The following ESRRG variants were observed in gnomAD, a reference collection of about 807,000 sequenced individuals.
ESRRG encodes the protein estrogen-related receptor gamma.
Under a neutral mutation model 44.0 loss-of-function variants are expected in ESRRG, and 13 were observed. That is an observed-to-expected ratio of 0.30 (90% CI 0.19 to 0.47). ESRRG has a LOEUF of 0.47. Ranked by LOEUF, ESRRG falls within the 20% of genes least tolerant of loss-of-function variation. The pLI is 1.00. For synonymous variants in ESRRG, 215 were observed against 214.6 expected (o/e 1.00, Z -0.02); for missense variants, 395 against 580.6 (o/e 0.68, Z 3.29).
At chr1:216,569,721 A>G (rs2060437133) in intron 3 of ESRRG, among the ~76,000 whole-genome samples, 1 of 152,244 alleles carries the variant, frequency 6.6e-6, no homozygotes, top group African/African-American at 2.4e-5. Flanking sequence ...AGTATTCATT[A>G]AGAAGTTCAA....
At chr1:216,551,640 G>T (rs980058310) in intron 5 of ESRRG, among the ~76,000 whole-genome samples, 1 of 152,138 alleles carries the variant, frequency 6.6e-6, no homozygotes, top group Non-Finnish European at 1.5e-5. Flanking sequence ...ATTAAAACCC[G>T]TGGATTATTC....
At chr1:216,870,632 G>C (rs551041229) in intron 2 of ESRRG, among the ~76,000 whole-genome samples, 12 of 151,878 alleles carry the variant, frequency 7.9e-5, no homozygotes, top group African/African-American at 2.9e-4. Flanking sequence ...AACTACCTGG[G>C]CCTGGAGATT....
chr1:216,997,003 G>T (rs1361712609), intron 1 of ESRRG, among the ~76,000 whole-genome samples: 1 of 152,006 alleles, frequency 6.6e-6, no homozygotes, highest in Non-Finnish European at 1.5e-5. Flanking sequence ...CACAGGAAAC[G>T]GGCATTTTTC....
At chr1:216,663,259 G>A (rs946467) in intron 2 of ESRRG, among the ~76,000 whole-genome samples, 130,526 of 152,100 alleles carry the variant, frequency 0.86, 56,034 homozygotes, top group Admixed American at 0.89. Flanking sequence ...AAAAGCAGGG[G>A]AAAAAAAGTA....
chr1:217,067,410 CATAG>C (rs3072273), intron 1 of ESRRG, among the ~76,000 whole-genome samples: 82,605 of 151,650 alleles, frequency 0.54, 22,832 homozygotes, highest in East Asian at 0.78. Flanking sequence ...TTCAACTGAA[CATAG>C]ATAGCTGTTG....
At chr1:216,715,057 C>A in intron 1 of ESRRG, 1 of 984,680 alleles carries the variant, frequency 1.0e-6, no homozygotes, top group East Asian at 1.1e-4. Flanking sequence ...CAGAAAAAGG[C>A]GGCCACATGC....
chr1:217,092,071 C>T (rs1370231403), upstream of ESRRG, among the ~76,000 whole-genome samples: 1 of 152,156 alleles, frequency 6.6e-6, no homozygotes, highest in Admixed American at 6.5e-5. Flanking sequence ...GATGTTTGAG[C>T]AACTAGCAAA....
chr1:217,061,552 T>C (rs1006699115), intron 1 of ESRRG, among the ~76,000 whole-genome samples: 2 of 151,726 alleles, frequency 1.3e-5, no homozygotes, highest in African/African-American at 4.8e-5. Flanking sequence ...TTCACAGAGG[T>C]TTTATTAAAA....
At chr1:216,738,694 G>A (rs529881511) in intron 2 of ESRRG, among the ~76,000 whole-genome samples, 1 of 152,208 alleles carries the variant, frequency 6.6e-6, no homozygotes, top group Admixed American at 6.5e-5. Flanking sequence ...ATAAATGCCA[G>A]AGCTGAGAAA....
chr1:216,807,450 C>G (rs1159020151), intron 2 of ESRRG, among the ~76,000 whole-genome samples: 1 of 152,016 alleles, frequency 6.6e-6, no homozygotes, highest in African/African-American at 2.4e-5. Context: ...TCTGTTCTAA[C>G]TTGTTTCCAT....
intron 1 of ESRRG, among the ~76,000 whole-genome samples, chr1:217,076,282 C>A (rs1203563986): frequency 6.6e-6 from 1 of 152,158 alleles, no homozygotes; most frequent in African/African-American, 2.4e-5. Context: ...TGGATAAAGA[C>A]ACGGCTATGC....
chr1:216,564,457 T>C, intron 4 of ESRRG, 77 bp from the exon 5 acceptor site: 2 of 1,200,536 alleles, frequency 1.7e-6, no homozygotes, highest in Non-Finnish European at 2.3e-6. Flanking sequence ...GCATTTTGTG[T>C]TTTGAAAAAC....
chr1:216,772,544 CTAACA>C (rs2093426248), intron 2 of ESRRG, among the ~76,000 whole-genome samples: 1 of 152,136 alleles, frequency 6.6e-6, no homozygotes, highest in African/African-American at 2.4e-5. Flanking sequence ...AGCTGCTTCT[CTAACA>C]TAAGTTTTCA....
At chr1:216,733,721 T>C (rs12095206) in intron 2 of ESRRG, among the ~76,000 whole-genome samples, 9,478 of 152,126 alleles carry the variant, frequency 0.062, 369 homozygotes, top group African/African-American at 0.091. Context: ...CTGGGCGCAG[T>C]GGCTCACACC....
intron 2 of ESRRG, among the ~76,000 whole-genome samples, chr1:216,738,506 A>G (rs921782736): frequency 6.6e-6 from 1 of 152,242 alleles, no homozygotes; most frequent in Non-Finnish European, 1.5e-5. Flanking sequence ...CTGTGGTATC[A>G]TAAGGCAATA....
chr1:216,640,619 T>G (rs1040060364), intron 3 of ESRRG, among the ~76,000 whole-genome samples: 1 of 152,044 alleles, frequency 6.6e-6, no homozygotes, highest in South Asian at 2.1e-4. Context: ...GCCTCATACC[T>G]GATATATTAG....
At chr1:217,084,342 T>A (rs1316759282) in intron 1 of ESRRG, among the ~76,000 whole-genome samples, 1 of 152,172 alleles carries the variant, frequency 6.6e-6, no homozygotes, top group Non-Finnish European at 1.5e-5. Flanking sequence ...GTTATTCTTG[T>A]TGTGAGTATT....
At chr1:217,126,634 G>C (rs1314208644) in intron 1 of ESRRG, among the ~76,000 whole-genome samples, 1 of 152,102 alleles carries the variant, frequency 6.6e-6, no homozygotes, top group East Asian at 1.9e-4. Flanking sequence ...TTAATCTTAA[G>C]TAGGCAAACA....
chr1:216,533,820 G>C (rs1432215240), intron 5 of ESRRG, among the ~76,000 whole-genome samples: 2 of 152,112 alleles, frequency 1.3e-5, no homozygotes, highest in Admixed American at 1.3e-4. Flanking sequence ...ATTTCTGAAA[G>C]AGCCACGGTT....
Sources: allele counts gnomAD v4.1 joint callset (sites outside exome capture counted in the v4.1 genomes callset), GRCh38; gene constraint gnomAD v4.1.1; transcripts MANE v1.5; gene names NCBI Gene and HGNC (gene_info 2026-07-23, HGNC 2026-07-21).